Variants in APPL1 observed in about 807,000 individuals in gnomAD.
APPL1 encodes the protein adaptor protein, phosphotyrosine interacting with PH domain and leucine zipper 1, also known as DCC-interacting protein 13-alpha.
In APPL1, 42 loss-of-function variants were observed where a neutral mutation model predicts 106.8. The observed-to-expected ratio is 0.39, with a 90% CI of 0.31 to 0.51. APPL1 has a LOEUF of 0.51. Ranked by LOEUF, APPL1 falls within the 20% of genes least tolerant of loss-of-function variation. The pLI, the probability that APPL1 is intolerant of heterozygous loss-of-function variation, is 0.75. For missense variants in APPL1, 769 were observed against 858.2 expected, an observed-to-expected ratio of 0.90 and a Z score of 1.30; for synonymous variants, 263 against 281.8, an observed-to-expected ratio of 0.93 and a Z score of 0.67.
rs2060934980 is a variant in APPL1, at chr3:57,271,070, C to T, written c.*1383C>T. 6.6e-6 allele frequency: 1 copy of T among 152,004 alleles called. No homozygotes were observed. The highest frequency in any genetic ancestry group is 2.1e-4 in the South Asian group (1 of 4,824). The allele number at this position is 152,004 out of a possible 1,614,324, so 9.4% of individuals were successfully genotyped here. Reference sequence around the variant, plus strand: ...GGGTAAAATACTTTACATAGTCACACATTTACAAATTTTTCAAGAGGTTAG... The same window carrying T: ...GGGTAAAATACTTTACATAGTCACATATTTACAAATTTTTCAAGAGGTTAG... On this transcript the variant is annotated 3_prime_UTR_variant, in exon 22 of 22. Coordinates refer to ENST00000288266, the MANE Select transcript of APPL1 (RefSeq NM_012096.3).
chr3:57,260,632 C>T lies in APPL1; in HGVS notation c.1700C>T (p.Pro567Leu), dbSNP rs774417235. ...TTCTGATGTTTTCTGTGGCAGTTTC[C>T]ATTACCTTGTGTAGTTTTGTATGCT... ...PQTQVTRLTF[P>L]LPCVVLYATH... Residue 567 changes from proline to leucine, a missense_variant, in exon 19 of 22, where the codon CCA (proline) becomes CTA (leucine). Transcript: ENST00000288266. 1.2e-6 allele frequency: 2 copies of T among 1,604,330 alleles called. No homozygotes were observed. The highest frequency in any genetic ancestry group is 1.7e-6 in the Non-Finnish European group (2 of 1,174,514).
intron 7 of APPL1, among the ~76,000 whole-genome samples, chr3:57,243,139 T>A (rs1559508808): frequency 6.6e-6 from 1 of 152,214 alleles, no homozygotes; most frequent in African/African-American, 2.4e-5. Context: ...AATATAACTA[T>A]TCTGGAAATT....
At chr3:57,250,804 C>CTTTTTTTTT (rs71088045) in intron 11 of APPL1, among the ~76,000 whole-genome samples, 63 of 110,262 alleles carry the variant, frequency 5.7e-4, no homozygotes, top group East Asian at 1.1e-3. Flanking sequence ...AACTTTCTTT[C>CTTTTTTTTT]TTTTTTTTTT....
intron 9 of APPL1, 150 bp from the exon 10 acceptor site, chr3:57,248,043 G>C: frequency 1.4e-6 from 1 of 731,624 alleles, no homozygotes; most frequent in Non-Finnish European, 2.1e-6. Flanking sequence ...CTGTAAACCT[G>C]TTTTAAAATA....
intron 7 of APPL1, 75 bp from the exon 8 acceptor site, chr3:57,246,001 C>T: frequency 9.1e-7 from 1 of 1,093,340 alleles, no homozygotes; most frequent in Non-Finnish European, 1.2e-6. Context: ...TCCACAGCTC[C>T]TACTGAAGAT....
At chr3:57,266,175 G>A (rs1198519379) in intron 19 of APPL1, among the ~76,000 whole-genome samples, 1 of 152,084 alleles carries the variant, frequency 6.6e-6, no homozygotes, top group Non-Finnish European at 1.5e-5. Context: ...ATATGTCTTT[G>A]TCTGGTTTTG....
intron 19 of APPL1, among the ~76,000 whole-genome samples, chr3:57,265,563 G>C (rs1346974686): frequency 6.6e-6 from 1 of 152,188 alleles, no homozygotes; most frequent in Non-Finnish European, 1.5e-5. Flanking sequence ...ATTGTTCACT[G>C]TTGGCATATA....
chr3:57,264,139 G>T (rs555571563), intron 19 of APPL1, among the ~76,000 whole-genome samples: 28 of 152,252 alleles, frequency 1.8e-4, no homozygotes, highest in Non-Finnish European at 3.2e-4. Context: ...GATCAGTGAT[G>T]TTGAGGACCT....
chr3:57,256,875 T>C (rs2060839352), intron 13 of APPL1, 82 bp from the exon 14 acceptor site: 1 of 1,068,372 alleles, frequency 9.4e-7, no homozygotes. Context: ...CTCAGAAGCA[T>C]TCTAACAATT....
intron 1 of APPL1, among the ~76,000 whole-genome samples, chr3:57,229,173 T>A (rs1353749463): frequency 6.6e-6 from 1 of 152,370 alleles, no homozygotes; most frequent in East Asian, 1.9e-4. Context: ...CGGTTCAATT[T>A]TTTTCTTGAT....
At chr3:57,246,460 A>G (rs1007861975) in intron 8 of APPL1, among the ~76,000 whole-genome samples, 1 of 152,244 alleles carries the variant, frequency 6.6e-6, no homozygotes, top group Non-Finnish European at 1.5e-5. Context: ...CTTGTTCACC[A>G]TAGCTGGGGA....
chr3:57,263,204 G>A (rs1388516395), intron 19 of APPL1, among the ~76,000 whole-genome samples: 3 of 152,092 alleles, frequency 2.0e-5, no homozygotes, highest in Admixed American at 6.5e-5. Flanking sequence ...TATGCAATGC[G>A]TAATAACCAC....
chr3:57,271,340 A>C lies in APPL1; in HGVS notation c.*1653A>C, dbSNP rs1345387184. On this transcript the variant is annotated 3_prime_UTR_variant, in exon 22 of 22. Transcript: ENST00000288266. The stretch of plus-strand genomic sequence containing the variant: ...TGTTTATTTACTGATGCTTTATGTT[A>C]CCAAAACATACAGTAAAAAAGTAGA... The C allele has an allele frequency of 6.6e-6, 1 of 152,620 alleles. No homozygotes were observed. Among genetic ancestry groups the C allele is most frequent in the Non-Finnish European group, 1.5e-5 (1 of 68,016 alleles). The allele number at this position is 152,620 out of a possible 1,614,324, so 9.5% of individuals were successfully genotyped here.
chr3:57,236,574 C>T (rs898476600), intron 2 of APPL1, among the ~76,000 whole-genome samples: 2 of 152,138 alleles, frequency 1.3e-5, no homozygotes, highest in East Asian at 1.9e-4. Flanking sequence ...GTGATCTGCC[C>T]GCCTCGGCCT....
rs545488923 is a variant in APPL1 at position 57,228,798 on chromosome 3, T to C, written c.54+861T>C. On this transcript the variant is annotated intron_variant, in intron 1 of 21. Coordinates refer to ENST00000288266, the MANE Select transcript of APPL1 (RefSeq NM_012096.3). This position sits in a 1 kb window ranked among gnomAD's most constrained non-coding sequence, Gnocchi z 4.6. ...TTCATCTCTAAGCCGTTTTACACGA[T>C]AATTTAAACGGTTTAAGACGGTGTT... Among the ~76,000 whole-genome samples the C allele has an allele frequency of 2.0e-5, 3 of 152,388 alleles. No individual in the cohort carries two copies. In the South Asian group the frequency reaches 6.2e-4, roughly 32 times the overall value.
At chr3:57,252,187 T>G (rs2060808659) in intron 11 of APPL1, 82 bp from the exon 12 acceptor site, 1 of 1,179,096 alleles carries the variant, frequency 8.5e-7, no homozygotes, top group Non-Finnish European at 1.2e-6. Context: ...TGCCTTTAAC[T>G]TTAAAGATTA....
chr3:57,249,780 T>G (rs1210277333), intron 11 of APPL1, among the ~76,000 whole-genome samples: 1 of 152,168 alleles, frequency 6.6e-6, no homozygotes, highest in African/African-American at 2.4e-5. Context: ...GACCTGTGAT[T>G]TCATGTTAGG....
At position 57,246,219 on chromosome 3, in the gene APPL1, T is replaced by C; in HGVS notation, c.618T>C (p.Ala206=). Residue 206 remains alanine (A), a synonymous_variant, in exon 8 of 22, where the codon GCT becomes GCC. Coordinates refer to ENST00000288266, the MANE Select transcript of APPL1 (RefSeq NM_012096.3). The part of the protein sequence containing the change: ...LLEPLLGYMQ[A]QISFFKMGSE... ...AACCTCTACTTGGGTACATGCAAGC[T>C]CAGGTAAATACTGTACTGTATTTGG... 6.3e-7 allele frequency: 1 copy of C among 1,597,278 alleles called. No individual in the cohort carries two copies. The highest frequency in any genetic ancestry group is 8.5e-7 in the Non-Finnish European group (1 of 1,174,378).
At chr3:57,230,937 G>A (rs1254288305) in intron 1 of APPL1, among the ~76,000 whole-genome samples, 2 of 151,542 alleles carry the variant, frequency 1.3e-5, no homozygotes, top group East Asian at 1.9e-4. Flanking sequence ...CGCTCTTGTC[G>A]CCTAGGCTAG....
Sources: gnomAD v4.1 joint callset for allele counts (sites outside exome capture counted in the v4.1 genomes callset) on GRCh38, gnomAD v4.1.1 for gene constraint, Gnocchi (gnomAD v3.1) non-coding constraint, MANE v1.5 for transcripts, NCBI Gene and HGNC (gene_info 2026-07-23, HGNC 2026-07-21) for gene names.